ERCC3: variants seen among roughly 807,000 people sequenced by gnomAD.
ERCC3 encodes the protein ERCC excision repair 3, TFIIH core complex helicase subunit.
A neutral mutation model predicts 94.2 loss-of-function variants in ERCC3; 66 were observed. That is an observed-to-expected ratio of 0.70 (90% CI 0.57 to 0.86). ERCC3 has a LOEUF of 0.86. Ranked by LOEUF, ERCC3 falls within the 40% of genes least tolerant of loss-of-function variation. The pLI is 0.00. For missense variants in ERCC3, 829 were observed against 987.1 expected, an observed-to-expected ratio of 0.84 and a Z score of 2.15; for synonymous variants, 349 against 369.1, an observed-to-expected ratio of 0.95 and a Z score of 0.63.
rs767729262 is a variant in ERCC3 at position 127,286,858 on chromosome 2, G to C, written c.1187C>G (p.Ala396Gly). The C allele has an allele frequency of 6.2e-7, 1 of 1,614,202 alleles. No homozygotes were observed. Among genetic ancestry groups the C allele is most frequent in the East Asian group, 2.2e-5 (1 of 44,882 alleles). The change falls in exon 8 of 15, where the codon GCC becomes GGC. Residue 396 changes from alanine to glycine, a missense_variant. Physicochemically the swap from Ala to Gly is moderately conservative, Grantham distance 60. Transcript: ENST00000285398. ...DSQICRFTSD[A>G]KDKPIGCSVA... ...GGAGCAGCCGATGGGCTTGTCCTTG[G>C]CATCGGAGGTGAACCGGCAGATCTG...
Position 127,259,967 on chromosome 2 carries a change from T to C in ERCC3, c.2065-519A>G. ...CTCTGAGAGAGTAAGAACAGCATGG[T>C]GGAGACTGGGTTTTCATTTCTATGG... On this transcript the variant is annotated intron_variant, in intron 13 of 14. Coordinates refer to ENST00000285398, the MANE Select transcript of ERCC3 (RefSeq NM_000122.2). The surrounding 1 kb of genome is among the most constrained non-coding windows in gnomAD (Gnocchi z 4.9). 1 of 184,414 alleles carries C rather than the reference T, an allele frequency of 5.4e-6. No homozygotes were observed. Among genetic ancestry groups the C allele is most frequent in the Non-Finnish European group, 1.2e-5 (1 of 86,318 alleles). The allele number at this position is 184,414 out of a possible 1,614,324, so 11.4% of individuals were successfully genotyped here. A position where few individuals can be genotyped will look rare whatever the true frequency, so the allele number is the denominator to read the frequency against.
intron 12 of ERCC3, among the ~76,000 whole-genome samples, chr2:127,268,525 AG>A (rs1684451979): frequency 1.3e-5 from 2 of 152,172 alleles, no homozygotes; most frequent in Non-Finnish European, 2.9e-5. Context: ...GGCCTCCCAA[AG>A]TGCTGGGATT....
rs111463049 is a variant in ERCC3, at chr2:127,286,545, CA to C, written c.1342+157del. ...TGGGTGACAGAGTGAGACTCCCTCT[CA>C]AAAAAAAAAAAAAGAACTATTAAAA... On this transcript the variant is annotated intron_variant, in intron 8 of 14. Transcript: ENST00000285398. 0.016 allele frequency among the ~76,000 whole-genome samples: 1,945 copies of C among 125,458 alleles called. 15 individuals are homozygous for C. The highest frequency in any genetic ancestry group is 0.028 in the East Asian group (124 of 4,420). The allele number at this position is 125,458 out of a possible 152,430, so 82.3% of individuals were successfully genotyped here.
chr2:127,280,949 A>G lies in ERCC3; in HGVS notation c.1343-318T>C. ...GGCTCTAGACAAGAATGACTAGGCA[A>G]ATGCTTCACCATCACTTTTAGACCT... On this transcript the variant is annotated intron_variant, in intron 8 of 14. Transcript: ENST00000285398. The surrounding 1 kb of genome is among the most constrained non-coding windows in gnomAD (Gnocchi z 6.3). The G allele has an allele frequency of 2.0e-6, 1 of 494,280 alleles. No individual in the cohort carries two copies. 30.6% of individuals were successfully genotyped at this position (494,280 alleles called of 1,614,324 possible). A position where few individuals can be genotyped will look rare whatever the true frequency, so the allele number is the denominator to read the frequency against.
At position 127,259,498 on chromosome 2, in the gene ERCC3, G is replaced by A. The variant is rs1684128299; in HGVS notation, c.2065-50C>T. ...TGCCCCTTTCTGCTCTCTCTCCCCA[G>A]CCCTCCTCTGCCTTCTCCTGGGTCC... On this transcript the variant is annotated intron_variant, in intron 13 of 14. Coordinates refer to ENST00000285398, the MANE Select transcript of ERCC3 (RefSeq NM_000122.2). This position sits in a 1 kb window ranked among gnomAD's most constrained non-coding sequence, Gnocchi z 4.9. 6.8e-6 allele frequency: 11 copies of A among 1,610,776 alleles called. No individual in the cohort carries two copies. The East Asian group carries it at 2.5e-4, about 36-fold the overall frequency.
rs1685223980 is a variant in ERCC3, at chr2:127,290,293, C to T, written c.472-20G>A. 1.2e-6 allele frequency: 2 copies of T among 1,604,524 alleles called. No homozygotes were observed. The highest frequency in any genetic ancestry group is 1.7e-6 in the Non-Finnish European group (2 of 1,171,308). ...ACACAACTGCAAATACAGATAACAT[C>T]CAACAGGTAAATGTGCAGCTAACTC... On this transcript the variant is annotated intron_variant, in intron 3 of 14. Transcript: ENST00000285398.
intron 7 of ERCC3, among the ~76,000 whole-genome samples, chr2:127,287,578 G>A (rs569746418): frequency 6.6e-4 from 101 of 152,270 alleles, no homozygotes; most frequent in Non-Finnish European, 1.2e-3. Context: ...AGGTTGTGGT[G>A]AGCCAAGATG....
In ERCC3 at chr2:127,286,874, G is replaced by A. The variant is rs1428334772; in HGVS notation, c.1171C>T (p.Arg391Trp). 4.3e-6 allele frequency: 7 copies of A among 1,614,074 alleles called. No homozygotes were observed. Among genetic ancestry groups the A allele is most frequent in the Middle Eastern group, 1.6e-4 (1 of 6,084 alleles). ...WSTIDDSQIC[R>W]FTSDAKDKPI... ...TTGTCCTTGGCATCGGAGGTGAACC[G>A]GCAGATCTGGCTGTCGTCAATGGTG... is the stretch of plus-strand genomic sequence containing the variant. Residue 391 changes from arginine (R) to tryptophan (W), a missense_variant, in exon 8 of 15, where the codon CGG becomes TGG. Arg to Trp is a moderately radical substitution (Grantham distance 101, BLOSUM62 -3). Coordinates refer to ENST00000285398, the MANE Select transcript of ERCC3 (RefSeq NM_000122.2).
intron 12 of ERCC3, among the ~76,000 whole-genome samples, chr2:127,266,085 T>C (rs10195774): frequency 0.087 from 13,258 of 151,566 alleles, 775 homozygotes; most frequent in African/African-American, 0.17. Flanking sequence ...TGTGTGGGTT[T>C]TTTTTTTTCT....
intron 12 of ERCC3, among the ~76,000 whole-genome samples, chr2:127,263,548 A>G (rs1463438082): frequency 2.0e-5 from 3 of 152,142 alleles, no homozygotes; most frequent in Non-Finnish European, 4.4e-5. Context: ...TTTTCTAGGT[A>G]TAGAATCACA....
intron 7 of ERCC3, among the ~76,000 whole-genome samples, chr2:127,288,231 T>C (rs1036831841): frequency 4.6e-5 from 7 of 152,128 alleles, no homozygotes; most frequent in Non-Finnish European, 8.8e-5. Context: ...ACACCAAAGT[T>C]TCTGCGCTAG....
intron 10 of ERCC3, among the ~76,000 whole-genome samples, chr2:127,278,132 G>A (rs1410281939): frequency 2.6e-5 from 4 of 152,040 alleles, no homozygotes; most frequent in Non-Finnish European, 1.5e-5. Context: ...CAGCTACTCG[G>A]GAGGCTGAGG....
Position 127,274,518 on chromosome 2 carries a change from AC to A in ERCC3, c.1731-1558del, listed in dbSNP as rs1315002004. On this transcript the variant is annotated intron_variant, in intron 10 of 14. Transcript: ENST00000285398. This position sits in a 1 kb window ranked among gnomAD's most constrained non-coding sequence, Gnocchi z 4.0. ...CAGAGCAGTGCCCATTAATGGATGT[AC>A]CTCAAAGAGCAAACCCCTTGCCTGT... 1.3e-5 allele frequency among the ~76,000 whole-genome samples: 2 copies of A among 152,146 alleles called. No individual in the cohort carries two copies. The highest frequency in any genetic ancestry group is 2.9e-5 in the Non-Finnish European group (2 of 68,012).
chr2:127,280,973 C>G lies in ERCC3; in HGVS notation c.1343-342G>C. 1 of 466,148 alleles carries G rather than the reference C, an allele frequency of 2.1e-6. No homozygotes were observed. Among genetic ancestry groups the G allele is most frequent in the Non-Finnish European group, 3.8e-6 (1 of 266,304 alleles). 28.9% of individuals were successfully genotyped at this position (466,148 alleles called of 1,614,324 possible). A position where few individuals can be genotyped will look rare whatever the true frequency, so the allele number is the denominator to read the frequency against. On this transcript the variant is annotated intron_variant, in intron 8 of 14. Transcript: ENST00000285398. The surrounding 1 kb of genome is among the most constrained non-coding windows in gnomAD (Gnocchi z 6.3). ...AAATGCTTCACCATCACTTTTAGAC[C>G]TGTCCAAAAGAAAATGAAAAGGAGA...
chr2:127,289,262 A>G, intron 6 of ERCC3, 75 bp downstream of exon 6: 1 of 1,333,146 alleles, frequency 7.5e-7, no homozygotes, highest in East Asian at 2.3e-5. Flanking sequence ...GACTACAGGC[A>G]GAGTCGACAC....
intron 12 of ERCC3, among the ~76,000 whole-genome samples, chr2:127,263,587 C>A: frequency 6.6e-6 from 1 of 152,126 alleles, no homozygotes; most frequent in East Asian, 1.9e-4. Context: ...AATTTAACTT[C>A]CTTTTTTCCT....
intron 8 of ERCC3, among the ~76,000 whole-genome samples, chr2:127,282,248 G>C (rs1294361561): frequency 6.6e-6 from 1 of 152,170 alleles, no homozygotes; most frequent in Non-Finnish European, 1.5e-5. Context: ...CCTCCTTTCT[G>C]AACTTTGCAT....
At position 127,279,150 on chromosome 2, in the gene ERCC3, AGCT is replaced by A; in HGVS notation, c.1730+20_1730+22del. Reference sequence around the variant, plus strand: ...GGGGAAGAGAAACTGGCCTGGAGGAAGCTCCAAGTTTTCAATTCTTACTTGTTC... The same window carrying A: ...GGGGAAGAGAAACTGGCCTGGAGGAACCAAGTTTTCAATTCTTACTTGTTC... On this transcript the variant is annotated intron_variant, in intron 10 of 14. Transcript: ENST00000285398. This position sits in a 1 kb window ranked among gnomAD's most constrained non-coding sequence, Gnocchi z 4.7. 3 of 1,536,502 alleles carry A rather than the reference AGCT, an allele frequency of 2.0e-6. No individual in the cohort carries two copies. Among genetic ancestry groups the A allele is most frequent in the Non-Finnish European group, 2.7e-6 (3 of 1,109,736 alleles).
chr2:127,273,080 A>T (rs1424484270), intron 10 of ERCC3, 119 bp from the exon 11 acceptor site: 1 of 691,130 alleles, frequency 1.4e-6, no homozygotes, highest in Non-Finnish European at 2.6e-6. Context: ...CTCGTCATGT[A>T]GGAATATCGT....
Sources: gnomAD v4.1 joint callset for allele counts (sites outside exome capture counted in the v4.1 genomes callset) on GRCh38, gnomAD v4.1.1 for gene constraint, Gnocchi (gnomAD v3.1) non-coding constraint, MANE v1.5 for transcripts, NCBI Gene and HGNC (gene_info 2026-07-23, HGNC 2026-07-21) for gene names.